HTR2C: variants seen among roughly 807,000 people sequenced by gnomAD.
HTR2C encodes 5-hydroxytryptamine receptor 2C.
HTR2C carries 5 observed loss-of-function variants against 21.0 expected under a neutral mutation model. The ratio of observed to expected loss-of-function variants is 0.24; its 90% CI spans 0.12 to 0.50. The LOEUF (loss-of-function observed/expected upper bound fraction) is 0.50, where lower values mean the gene tolerates loss of function less well. HTR2C is among the 20% of genes least tolerant of loss of function. HTR2C has a pLI of 0.98. For synonymous variants in HTR2C, 150 were observed against 145.3 expected (o/e 1.03, Z -0.23); for missense variants, 271 against 371.2 (o/e 0.73, Z 2.22).
chrX:114,655,039 G>GAA (rs371025252), intron 2 of HTR2C, among the ~76,000 whole-genome samples: 2 of 81,045 alleles, frequency 2.5e-5, no homozygotes, highest in African/African-American at 8.9e-5. Flanking sequence ...GGGTAGAAAA[G>GAA]AAAAAAAAAA....
chrX:114,807,091 ACC>A lies in HTR2C; in HGVS notation c.350-40909_350-40908del, dbSNP rs1261731209. Among the ~76,000 whole-genome samples, 6 of 58,391 alleles carry A rather than the reference ACC, an allele frequency of 1.0e-4. 1 individual carries two copies. The highest frequency in any genetic ancestry group is 2.7e-4 in the African/African-American group (5 of 18,243). 50.7% of individuals were successfully genotyped at this position (58,391 alleles called of 115,157 possible). On this transcript the variant is annotated intron_variant, in intron 4 of 5. Coordinates refer to ENST00000276198, the MANE Select transcript of HTR2C (RefSeq NM_000868.4). ...TATACCATATATACACCATATATAT[ACC>A]CCATATATACACCATGTATATATAT...
chrX:114,801,024 A>G (rs1317947820), intron 4 of HTR2C, among the ~76,000 whole-genome samples: 3 of 111,283 alleles, frequency 2.7e-5, no homozygotes, highest in Admixed American at 9.6e-5. Flanking sequence ...CATTAATAGG[A>G]AATGGAGAGC....
intron 4 of HTR2C, among the ~76,000 whole-genome samples, chrX:114,791,885 C>T (rs781909980): frequency 3.6e-5 from 4 of 111,169 alleles, no homozygotes; most frequent in Admixed American, 9.6e-5. Flanking sequence ...ATTTCCCATA[C>T]GTAAACTTGA....
At chrX:114,780,150 T>C (rs1260433795) in intron 4 of HTR2C, among the ~76,000 whole-genome samples, 7 of 111,881 alleles carry the variant, frequency 6.3e-5, no homozygotes, top group African/African-American at 1.9e-4. Flanking sequence ...GCATCAGTTA[T>C]ATGCAAATAT....
intron 2 of HTR2C, among the ~76,000 whole-genome samples, chrX:114,712,185 G>T (rs1556419259): frequency 9.0e-6 from 1 of 111,539 alleles, no homozygotes; most frequent in Non-Finnish European, 1.9e-5. Context: ...TCATTTCTGT[G>T]ATCTCATGAA....
At chrX:114,664,852 C>T (rs1931118053) in intron 2 of HTR2C, among the ~76,000 whole-genome samples, 1 of 111,913 alleles carries the variant, frequency 8.9e-6, no homozygotes, top group African/African-American at 3.2e-5. Flanking sequence ...ATCACTTTAT[C>T]CAAGTGCTTC....
intron 2 of HTR2C, among the ~76,000 whole-genome samples, chrX:114,624,251 C>T (rs1556402433): frequency 9.0e-6 from 1 of 110,801 alleles, no homozygotes; most frequent in African/African-American, 3.3e-5. Flanking sequence ...CATAAGCGCT[C>T]AATAAATGTG....
chrX:114,617,025 G>A (rs1336000509), intron 2 of HTR2C, among the ~76,000 whole-genome samples: 1 of 112,240 alleles, frequency 8.9e-6, no homozygotes, highest in Non-Finnish European at 1.9e-5. Flanking sequence ...GTGGTCTTGT[G>A]TTACTATAAA....
chrX:114,739,918 C>T (rs1315153474), intron 4 of HTR2C, among the ~76,000 whole-genome samples: 1 of 109,988 alleles, frequency 9.1e-6, no homozygotes, highest in East Asian at 2.9e-4. Context: ...ACAGTCTGGG[C>T]AACATAGTGA....
intron 2 of HTR2C, among the ~76,000 whole-genome samples, chrX:114,710,436 G>A (rs187994869): frequency 8.3e-5 from 3 of 36,179 alleles, no homozygotes. Flanking sequence ...ATAGTGATGA[G>A]GAGTGAAAAA....
chrX:114,607,875 C>T (rs915051248), intron 1 of HTR2C, among the ~76,000 whole-genome samples: 2 of 110,590 alleles, frequency 1.8e-5, no homozygotes, highest in South Asian at 3.9e-4. Flanking sequence ...GTAATCCCAG[C>T]TACTCAGGAG....
intron 4 of HTR2C, among the ~76,000 whole-genome samples, chrX:114,733,088 A>C (rs1556423719): frequency 9.0e-6 from 1 of 111,399 alleles, no homozygotes; most frequent in East Asian, 2.8e-4. Context: ...GAGGAAAGCT[A>C]TTAGGAAGCC....
intron 4 of HTR2C, among the ~76,000 whole-genome samples, chrX:114,812,776 G>A (rs1212456168): frequency 9.1e-6 from 1 of 109,689 alleles, no homozygotes; most frequent in African/African-American, 3.3e-5. Flanking sequence ...AAAAAAACAA[G>A]GCTATCTTGT....
chrX:114,751,709 G>A (rs1367178072), intron 4 of HTR2C, among the ~76,000 whole-genome samples: 1 of 111,291 alleles, frequency 9.0e-6, no homozygotes, highest in African/African-American at 3.3e-5. Flanking sequence ...AGGCCTTTGG[G>A]TGTCATTAAG....
chrX:114,658,018 T>A (rs1188218070), intron 2 of HTR2C, among the ~76,000 whole-genome samples: 2 of 107,281 alleles, frequency 1.9e-5, no homozygotes, highest in Admixed American at 2.1e-4. Context: ...TAATAGCATT[T>A]CTGTAAATAG....
At chrX:114,769,336 A>G (rs782340406) in intron 4 of HTR2C, among the ~76,000 whole-genome samples, 1 of 111,457 alleles carries the variant, frequency 9.0e-6, no homozygotes, top group Non-Finnish European at 1.9e-5. Context: ...GGTAGTTATT[A>G]TTATTCATTA....
At chrX:114,720,743 A>C (rs1933168449) in intron 2 of HTR2C, among the ~76,000 whole-genome samples, 1 of 24,959 alleles carries the variant, frequency 4.0e-5, no homozygotes. Context: ...TTCAATTCCC[A>C]CCTATGAGTG....
At chrX:114,601,153 C>A (rs782738040) in intron 1 of HTR2C, among the ~76,000 whole-genome samples, 1 of 110,168 alleles carries the variant, frequency 9.1e-6, no homozygotes, top group African/African-American at 3.3e-5. Context: ...TAAACTCTTT[C>A]TTTTTTTTTA....
chrX:114,858,456 T>G (rs1490130797), intron 5 of HTR2C, among the ~76,000 whole-genome samples: 1 of 111,456 alleles, frequency 9.0e-6, no homozygotes, highest in Non-Finnish European at 1.9e-5. Flanking sequence ...GTACTTGATT[T>G]CCTAGGATGC....
Sources: allele counts gnomAD v4.1 joint callset (sites outside exome capture counted in the v4.1 genomes callset), GRCh38; gene constraint gnomAD v4.1.1; transcripts MANE v1.5; gene names NCBI Gene and HGNC (gene_info 2026-07-23, HGNC 2026-07-21).